Variants in TSPAN9 observed in about 807,000 individuals in gnomAD.
TSPAN9 encodes the protein tetraspanin 9.
A neutral mutation model predicts 31.0 loss-of-function variants in TSPAN9; 16 were observed. That is an observed-to-expected ratio of 0.52 (90% CI 0.35 to 0.78). The LOEUF is 0.78. Ranked by LOEUF, TSPAN9 falls within the 30% of genes least tolerant of loss-of-function variation. The pLI, the probability that TSPAN9 is intolerant of heterozygous loss-of-function variation, is 0.01. For synonymous variants in TSPAN9, 145 were observed against 121.6 expected (o/e 1.19, Z -1.27); for missense variants, 272 against 312.5 (o/e 0.87, Z 0.98).
chr12:3,247,858 G>A (rs659688), intron 3 of TSPAN9, among the ~76,000 whole-genome samples: 131,457 of 152,142 alleles, frequency 0.86, 58,463 homozygotes, highest in Non-Finnish European at 0.98. Flanking sequence ...TTGAGAGGAG[G>A]AGCTCCCCCA....
intron 2 of TSPAN9, among the ~76,000 whole-genome samples, chr12:3,102,527 C>T (rs540963036): frequency 1.5e-4 from 22 of 151,658 alleles, no homozygotes; most frequent in Non-Finnish European, 2.6e-4. Flanking sequence ...CTCCGCCTCC[C>T]ACCAGGTTCA....
At chr12:3,151,931 CAAA>C (rs891784634) in intron 2 of TSPAN9, among the ~76,000 whole-genome samples, 1 of 150,532 alleles carries the variant, frequency 6.6e-6, no homozygotes, top group Admixed American at 6.6e-5. Flanking sequence ...TCAAAAAAAA[CAAA>C]AAAAACACAC....
chr12:3,123,942 G>A (rs11062514), intron 2 of TSPAN9, among the ~76,000 whole-genome samples: 1,611 of 152,318 alleles, frequency 0.011, 20 homozygotes, highest in Non-Finnish European at 0.016. Flanking sequence ...CAGGGAGGAG[G>A]CAGAGGTGAG....
At chr12:3,140,516 CAG>C (rs1169737531) in intron 2 of TSPAN9, among the ~76,000 whole-genome samples, 1 of 152,136 alleles carries the variant, frequency 6.6e-6, no homozygotes, top group East Asian at 1.9e-4. Context: ...CCCAGGCCTG[CAG>C]AGGAGTCCCT....
chr12:3,095,154 A>G (rs1241329873), intron 2 of TSPAN9, among the ~76,000 whole-genome samples: 1 of 106,128 alleles, frequency 9.4e-6, no homozygotes, highest in Non-Finnish European at 2.0e-5. Context: ...CTGAGTGGAC[A>G]CAGTACATGT....
chr12:3,124,523 T>C (rs1483759769), intron 2 of TSPAN9, among the ~76,000 whole-genome samples: 1 of 151,914 alleles, frequency 6.6e-6, no homozygotes, highest in Non-Finnish European at 1.5e-5. Context: ...TTCTCCTGCC[T>C]CAGCCTCCTG....
At chr12:3,211,536 G>T in intron 3 of TSPAN9, 1 of 744,416 alleles carries the variant, frequency 1.3e-6, no homozygotes, top group Non-Finnish European at 2.1e-6. Flanking sequence ...AAACCCTTTT[G>T]ATATTTTGGT....
Position 3,283,830 on chromosome 12 carries a change from G to A in TSPAN9, c.*714G>A, listed in dbSNP as rs1374823104. ...CCGTGCGACACCCAGGAGGCTCTCG[G>A]ATGGGGCGCGCCTGCGCCCTCAGAA... On this transcript the variant is annotated 3_prime_UTR_variant, in exon 9 of 9. Coordinates refer to ENST00000011898, the MANE Select transcript of TSPAN9 (RefSeq NM_006675.5). 6.6e-6 allele frequency: 1 copy of A among 152,602 alleles called. No individual in the cohort carries two copies. The highest frequency in any genetic ancestry group is 6.5e-5 in the Admixed American group (1 of 15,292). The allele number at this position is 152,602 out of a possible 1,614,324, so 9.5% of individuals were successfully genotyped here.
intron 2 of TSPAN9, among the ~76,000 whole-genome samples, chr12:3,114,814 G>A (rs762621201): frequency 7.0e-6 from 1 of 143,864 alleles, no homozygotes; most frequent in African/African-American, 2.6e-5. Context: ...TTGCATTCCA[G>A]CCTGGGTGAC....
At position 3,147,914 on chromosome 12, in the gene TSPAN9, C is replaced by T. The variant is rs528705079; in HGVS notation, c.-17-53263C>T. ...TACACATATGTGGAGTCGGGTGGGT[C>T]GGGGGGCACAGCTTGGCAGATAAAG... On this transcript the variant is annotated intron_variant, in intron 2 of 8. Coordinates refer to ENST00000011898, the MANE Select transcript of TSPAN9 (RefSeq NM_006675.5). The surrounding 1 kb of genome is among the most constrained non-coding windows in gnomAD (Gnocchi z 4.3). 2.0e-4 allele frequency among the ~76,000 whole-genome samples: 30 copies of T among 151,972 alleles called. No homozygotes were observed. The highest frequency in any genetic ancestry group is 6.0e-4 in the African/African-American group (25 of 41,422).
chr12:3,258,840 T>G (rs1447446941), intron 3 of TSPAN9, among the ~76,000 whole-genome samples: 1 of 152,214 alleles, frequency 6.6e-6, no homozygotes, highest in Non-Finnish European at 1.5e-5. Context: ...ATTCATGGTC[T>G]CAGTGGACCA....
At chr12:3,167,696 G>T (rs995995510) in intron 2 of TSPAN9, among the ~76,000 whole-genome samples, 5 of 152,200 alleles carry the variant, frequency 3.3e-5, no homozygotes, top group Non-Finnish European at 5.9e-5. Context: ...CTGCCTAAGT[G>T]CTGTGAGCAT....
chr12:3,100,196 G>A (rs570488899), intron 2 of TSPAN9, among the ~76,000 whole-genome samples: 1 of 152,292 alleles, frequency 6.6e-6, no homozygotes, highest in Admixed American at 6.5e-5. Flanking sequence ...GGCCCTGTGT[G>A]TGCTCCACAG....
Position 3,281,237 on chromosome 12 carries a change from C to A in TSPAN9, c.472C>A (p.Pro158Thr), listed in dbSNP as rs1862886631. Residue 158 changes from proline to threonine, a missense_variant, in exon 7 of 9, where the codon CCA (proline) becomes ACA (threonine). Coordinates refer to ENST00000011898, the MANE Select transcript of TSPAN9 (RefSeq NM_006675.5). The part of the protein sequence containing the change: ...CGVTDYTDWY[P>T]VLGENTVPDR... ...TGTCACTGACTACACAGACTGGTACCCAGTGCTGGGGGAGAACACGGTTCC... is the reference window on the plus strand; with the variant it reads ...TGTCACTGACTACACAGACTGGTACACAGTGCTGGGGGAGAACACGGTTCC... The A allele has an allele frequency of 6.4e-7, 1 of 1,551,368 alleles. No individual in the cohort carries two copies. The highest frequency in any genetic ancestry group is 8.7e-7 in the Non-Finnish European group (1 of 1,147,002).
At chr12:3,273,523 T>TGGGACATC (rs1862724199) in intron 3 of TSPAN9, among the ~76,000 whole-genome samples, 2 of 152,156 alleles carry the variant, frequency 1.3e-5, no homozygotes, top group South Asian at 4.1e-4. Flanking sequence ...GTGGGCTAGA[T>TGGGACATC]TATAGCTCAG....
chr12:3,214,881 C>G (rs1382370035), intron 3 of TSPAN9, among the ~76,000 whole-genome samples: 1 of 151,710 alleles, frequency 6.6e-6, no homozygotes, highest in Non-Finnish European at 1.5e-5. Context: ...GTTCTTGTTT[C>G]TTCCTCCTTC....
intron 2 of TSPAN9, among the ~76,000 whole-genome samples, chr12:3,113,542 G>A (rs951456587): frequency 6.6e-6 from 1 of 152,168 alleles, no homozygotes; most frequent in African/African-American, 2.4e-5. Flanking sequence ...ACTTTGTTAA[G>A]TGATCAATAG....
chr12:3,206,482 T>A (rs1435919904), intron 3 of TSPAN9: 4 of 385,564 alleles, frequency 1.0e-5, no homozygotes, highest in African/African-American at 2.0e-5. Context: ...GCCTGACTTG[T>A]CCTTTCCTCC....
chr12:3,236,510 C>CT (rs2098393803), intron 3 of TSPAN9, among the ~76,000 whole-genome samples: 1 of 152,178 alleles, frequency 6.6e-6, no homozygotes, highest in South Asian at 2.1e-4. Context: ...GGCCCGTGCC[C>CT]TTCGCTGCCA....
Sources: gnomAD v4.1 joint callset for allele counts (sites outside exome capture counted in the v4.1 genomes callset) on GRCh38, gnomAD v4.1.1 for gene constraint, Gnocchi (gnomAD v3.1) non-coding constraint, MANE v1.5 for transcripts, NCBI Gene and HGNC (gene_info 2026-07-23, HGNC 2026-07-21) for gene names.